DNAJC17: variants seen among roughly 807,000 people sequenced by gnomAD.
DNAJC17 encodes dnaJ homolog subfamily C member 17.
DNAJC17 carries 35 observed loss-of-function variants against 48.1 expected under a neutral mutation model. That is an observed-to-expected ratio of 0.73 (90% CI 0.56 to 0.96). DNAJC17 has a LOEUF of 0.96. Ranked by LOEUF, DNAJC17 falls within the 50% of genes least tolerant of loss-of-function variation. The pLI is 0.00. For synonymous variants in DNAJC17, 117 were observed against 142.7 expected, an observed-to-expected ratio of 0.82 and a Z score of 1.28; for missense variants, 355 against 377.1, an observed-to-expected ratio of 0.94 and a Z score of 0.48.
rs772457332 is a variant in DNAJC17 at position 40,767,926 on chromosome 15, G to A, written c.*14C>T. 8.1e-6 allele frequency: 13 copies of A among 1,611,436 alleles called. No homozygotes were observed. Among genetic ancestry groups the A allele is most frequent in the East Asian group, 2.2e-5 (1 of 44,876 alleles). Reference sequence around the variant, plus strand: ...TGAAGAAAAGGGCTGAGGGGTGGATGGCTGGAGCTGGGGCTACGTAGGCGG... The same window carrying A: ...TGAAGAAAAGGGCTGAGGGGTGGATAGCTGGAGCTGGGGCTACGTAGGCGG... On this transcript the variant is annotated 3_prime_UTR_variant, in exon 11 of 11. Transcript: ENST00000220496.
intron 1 of DNAJC17, among the ~76,000 whole-genome samples, chr15:40,804,899 G>A (rs949312637): frequency 6.6e-6 from 1 of 151,990 alleles, no homozygotes; most frequent in African/African-American, 2.4e-5. Flanking sequence ...CTGCTCAGGA[G>A]GCTGAGGCAG....
chr15:40,770,930 C>T lies in DNAJC17; in HGVS notation c.792+2797G>A, dbSNP rs1376999672. The T allele has an allele frequency of 1.9e-6, 3 of 1,551,516 alleles. No homozygotes were observed. The highest frequency in any genetic ancestry group is 3.9e-5 in the Admixed American group (2 of 51,008). On this transcript the variant is annotated intron_variant, in intron 10 of 10. Transcript: ENST00000220496. This position sits in a 1 kb window ranked among gnomAD's most constrained non-coding sequence, Gnocchi z 5.0. ...CACCTACCCCAGACCTCAGTGATCC[C>T]TTCCTCTCCTTCAAAGTGGACCTGG...
chr15:40,781,737 C>T (rs1186341193), intron 1 of DNAJC17, among the ~76,000 whole-genome samples: 6 of 151,102 alleles, frequency 4.0e-5, no homozygotes, highest in African/African-American at 1.5e-4. Flanking sequence ...CCGGCTAACA[C>T]GGTGAAACCC....
chr15:40,766,499 A>G lies in DNAJC17; in HGVS notation c.*1441T>C, dbSNP rs545037231. 6.6e-6 allele frequency: 1 copy of G among 152,388 alleles called. No individual in the cohort carries two copies. The highest frequency in any genetic ancestry group is 2.1e-4 in the South Asian group (1 of 4,834). 9.4% of individuals were successfully genotyped at this position (152,388 alleles called of 1,614,324 possible). A position where few individuals can be genotyped will look rare whatever the true frequency, so the allele number is the denominator to read the frequency against. On this transcript the variant is annotated 3_prime_UTR_variant, in exon 11 of 11. Coordinates refer to ENST00000220496, the MANE Select transcript of DNAJC17 (RefSeq NM_018163.3). ...GAAAAGAGTTGTCAGAGTGAGTGCCAGTTCAAATCGGGGAAAGAGGAGGGC... is the reference window on the plus strand; with the variant it reads ...GAAAAGAGTTGTCAGAGTGAGTGCCGGTTCAAATCGGGGAAAGAGGAGGGC...
At chr15:40,792,037 C>T (rs967178704) in intron 1 of DNAJC17, among the ~76,000 whole-genome samples, 3 of 152,138 alleles carry the variant, frequency 2.0e-5, no homozygotes, top group Non-Finnish European at 4.4e-5. Context: ...GCCTAGAGGC[C>T]CAAACACACA....
chr15:40,768,063 C>G lies in DNAJC17; in HGVS notation c.793-1G>C. The G allele has an allele frequency of 6.4e-7, 1 of 1,556,756 alleles. No individual in the cohort carries two copies. Among genetic ancestry groups the G allele is most frequent in the African/African-American group, 1.4e-5 (1 of 72,590 alleles). On this transcript the variant is annotated splice_acceptor_variant, in intron 10 of 10. Coordinates refer to ENST00000220496, the MANE Select transcript of DNAJC17 (RefSeq NM_018163.3). LOFTEE classifies it high-confidence loss of function. Reference sequence around the variant, plus strand: ...AGTCCCTCTCTGACAGCACTGAGCCCTGTCGGACAGGGCAGGGACAGGGAG... The same window carrying G: ...AGTCCCTCTCTGACAGCACTGAGCCGTGTCGGACAGGGCAGGGACAGGGAG...
At position 40,778,191 on chromosome 15, in the gene DNAJC17, TA is replaced by T. The variant is rs1051632130; in HGVS notation, c.295+1031del. On this transcript the variant is annotated intron_variant, in intron 4 of 10. Coordinates refer to ENST00000220496, the MANE Select transcript of DNAJC17 (RefSeq NM_018163.3). The stretch of plus-strand genomic sequence containing the variant: ...GACAGTACAAAACCCCGTCTTTCTT[TA>T]AAAAAAAAAAAAAGAAGAAGAAGAC... 4.4e-3 allele frequency among the ~76,000 whole-genome samples: 622 copies of T among 141,230 alleles called. 1 individual carries two copies. The highest frequency in any genetic ancestry group is 7.5e-3 in the East Asian group (37 of 4,954). 92.7% of individuals were successfully genotyped at this position (141,230 alleles called of 152,430 possible). A position where few individuals can be genotyped will look rare whatever the true frequency, so the allele number is the denominator to read the frequency against.
rs577241257 is a variant in DNAJC17, at chr15:40,780,280, C to G, written c.79-283G>C. 5.1e-6 allele frequency: 3 copies of G among 587,950 alleles called. No individual in the cohort carries two copies. In the African/African-American group the frequency reaches 5.5e-5, roughly 11 times the overall value. 36.4% of individuals were successfully genotyped at this position (587,950 alleles called of 1,614,324 possible). A position where few individuals can be genotyped will look rare whatever the true frequency, so the allele number is the denominator to read the frequency against. On this transcript the variant is annotated intron_variant, in intron 1 of 10. Transcript: ENST00000220496. ...TGCAACAGGCAGGAGCACAGTACCC[C>G]GCTTTCTCGACAGCCACTCGAAGAC...
chr15:40,793,950 A>C (rs73398557), intron 1 of DNAJC17, among the ~76,000 whole-genome samples: 5 of 152,214 alleles, frequency 3.3e-5, no homozygotes, highest in Non-Finnish European at 5.9e-5. Context: ...TATAACTGCT[A>C]ATAAGTACAA....
chr15:40,780,302 A>C (rs1193085925), intron 1 of DNAJC17: 2 of 548,932 alleles, frequency 3.6e-6, no homozygotes, highest in Non-Finnish European at 7.0e-6. Flanking sequence ...AGCCACTCGA[A>C]GACAGGTACT....
At chr15:40,799,766 A>G (rs1890030928) in intron 1 of DNAJC17, among the ~76,000 whole-genome samples, 1 of 152,144 alleles carries the variant, frequency 6.6e-6, no homozygotes, top group Non-Finnish European at 1.5e-5. Context: ...TCACCATACC[A>G]TCTTAACATT....
In DNAJC17 at chr15:40,771,224, G is replaced by C. The variant is rs965332201; in HGVS notation, c.792+2503C>G. Reference sequence around the variant, plus strand: ...CTGGACAGTCCTTCCAGGCACCCCAGAGTGGAGGGACAGAGGCAATCTGGA... The same window carrying C: ...CTGGACAGTCCTTCCAGGCACCCCACAGTGGAGGGACAGAGGCAATCTGGA... On this transcript the variant is annotated intron_variant, in intron 10 of 10. Coordinates refer to ENST00000220496, the MANE Select transcript of DNAJC17 (RefSeq NM_018163.3). The C allele has an allele frequency of 1.8e-5, 11 of 614,858 alleles. No individual in the cohort carries two copies. In the African/African-American group the frequency reaches 1.9e-4, roughly 10 times the overall value. The allele number at this position is 614,858 out of a possible 1,614,324, so 38.1% of individuals were successfully genotyped here.
chr15:40,785,569 C>T (rs1002355980), intron 1 of DNAJC17, among the ~76,000 whole-genome samples: 1 of 152,166 alleles, frequency 6.6e-6, no homozygotes, highest in African/African-American at 2.4e-5. Context: ...TAGGTGCTTC[C>T]TACAAGTTCC....
intron 1 of DNAJC17, among the ~76,000 whole-genome samples, chr15:40,803,325 C>T (rs1890121182): frequency 1.3e-5 from 2 of 152,184 alleles, no homozygotes; most frequent in African/African-American, 4.8e-5. Context: ...ATGGCAGCAA[C>T]CTAGGTTGTC....
rs1206813549 is a variant in DNAJC17, at chr15:40,772,063, AGAG to A, written c.792+1661_792+1663del. ...CCCTGGCAGGTTTCCTTCCTCGAAG[AGAG>A]GAGAACTGGATCCAGGGATGGGCAT... On this transcript the variant is annotated intron_variant, in intron 10 of 10. Coordinates refer to ENST00000220496, the MANE Select transcript of DNAJC17 (RefSeq NM_018163.3). 1.8e-5 allele frequency: 3 copies of A among 167,044 alleles called. No individual in the cohort carries two copies. The Admixed American group carries it at 2.0e-4, about 11-fold the overall frequency. 10.3% of individuals were successfully genotyped at this position (167,044 alleles called of 1,614,324 possible).
At position 40,776,712 on chromosome 15, in the gene DNAJC17, CAA is replaced by C. The variant is rs954319977; in HGVS notation, c.296-87_296-86del. 439 of 1,366,492 alleles carry C rather than the reference CAA, an allele frequency of 3.2e-4. 3 individuals carry two copies. The African/African-American group carries it at 5.8e-3, about 18-fold the overall frequency. 84.6% of individuals were successfully genotyped at this position (1,366,492 alleles called of 1,614,324 possible). Reference sequence around the variant, plus strand: ...CCCACCCCAGCTCTGGCTGCCTCCCCAAAGTCTCAATCACGACGAGATCATAC... The same window carrying C: ...CCCACCCCAGCTCTGGCTGCCTCCCCAGTCTCAATCACGACGAGATCATAC... On this transcript the variant is annotated intron_variant, in intron 4 of 10. Transcript: ENST00000220496.
chr15:40,767,841 T>C lies in DNAJC17; in HGVS notation c.*99A>G. The C allele has an allele frequency of 1.3e-6, 2 of 1,530,510 alleles. No homozygotes were observed. The highest frequency in any genetic ancestry group is 1.8e-6 in the Non-Finnish European group (2 of 1,141,418). 94.8% of individuals were successfully genotyped at this position (1,530,510 alleles called of 1,614,324 possible). ...CGCTCTGCGGCAGAGCCCAGCACCT[T>C]ATACCTATGTATGGGATAGAGGTAA... On this transcript the variant is annotated 3_prime_UTR_variant, in exon 11 of 11. Coordinates refer to ENST00000220496, the MANE Select transcript of DNAJC17 (RefSeq NM_018163.3).
chr15:40,768,335 A>G (rs1205860033), intron 10 of DNAJC17, among the ~76,000 whole-genome samples: 2 of 152,078 alleles, frequency 1.3e-5, no homozygotes, highest in South Asian at 2.1e-4. Context: ...TTTCTCAGGA[A>G]TCACCTGCGG....
chr15:40,788,047 A>C (rs1413107049), intron 1 of DNAJC17, among the ~76,000 whole-genome samples: 1 of 152,180 alleles, frequency 6.6e-6, no homozygotes, highest in Non-Finnish European at 1.5e-5. Context: ...GACAACAAGC[A>C]CTGAATGGAC....
Sources: allele counts gnomAD v4.1 joint callset (sites outside exome capture counted in the v4.1 genomes callset), GRCh38; gene constraint gnomAD v4.1.1; non-coding constraint Gnocchi (gnomAD v3.1); transcripts MANE v1.5; gene names NCBI Gene and HGNC (gene_info 2026-07-23, HGNC 2026-07-21).